Variants in IGSF21 observed in about 807,000 individuals in gnomAD.
IGSF21 encodes the protein immunoglobulin superfamily member 21.
IGSF21 carries 28 observed loss-of-function variants against 46.8 expected under a neutral mutation model. That is an observed-to-expected ratio of 0.60 (90% CI 0.44 to 0.82). The LOEUF (loss-of-function observed/expected upper bound fraction) is 0.82, where lower values mean the gene tolerates loss of function less well. IGSF21 is among the 40% of genes least tolerant of loss of function. The probability of loss-of-function intolerance (pLI) is 0.00; values close to 1 mark genes in which losing one functional copy is unlikely to be tolerated. For synonymous variants in IGSF21, 284 were observed against 273.6 expected, an observed-to-expected ratio of 1.04 and a Z score of -0.38; for missense variants, 624 against 665.5, an observed-to-expected ratio of 0.94 and a Z score of 0.69.
In IGSF21 at chr1:18,208,474, C is replaced by G. The variant is rs12059856; in HGVS notation, c.71-19424C>G. On this transcript the variant is annotated intron_variant, in intron 1 of 9. Transcript: ENST00000251296. ...TCGGCTCACTGCAAGTTCCGCCTCC[C>G]GGGTTCACGCCATTCTCCTGCCTCA... Among the ~76,000 whole-genome samples the G allele has an allele frequency of 9.8e-3, 1,434 of 146,096 alleles. 25 individuals are homozygous for G. Among genetic ancestry groups the G allele is most frequent in the African/African-American group, 0.033 (1,316 of 39,838 alleles).
intron 1 of IGSF21, among the ~76,000 whole-genome samples, chr1:18,174,142 G>T (rs1231243432): frequency 6.6e-6 from 1 of 152,116 alleles, no homozygotes; most frequent in African/African-American, 2.4e-5. Flanking sequence ...GAATCACACC[G>T]CAAAGACAGA....
chr1:18,329,686 G>A (rs1013856140), intron 3 of IGSF21, among the ~76,000 whole-genome samples: 3 of 152,156 alleles, frequency 2.0e-5, no homozygotes, highest in Non-Finnish European at 4.4e-5. Context: ...TCTGAATGTA[G>A]AGCCTATAGA....
intron 6 of IGSF21, among the ~76,000 whole-genome samples, chr1:18,373,154 C>T (rs529673671): frequency 6.6e-6 from 1 of 152,184 alleles, no homozygotes; most frequent in Non-Finnish European, 1.5e-5. Context: ...AGCCTATTCT[C>T]CCCATTTACA....
chr1:18,164,282 C>T (rs1259446515), intron 1 of IGSF21, among the ~76,000 whole-genome samples: 1 of 151,824 alleles, frequency 6.6e-6, no homozygotes. Flanking sequence ...CTTCCTTGCT[C>T]CTTCCCTCTC....
intron 1 of IGSF21, among the ~76,000 whole-genome samples, chr1:18,171,995 T>G (rs2124459734): frequency 1.3e-5 from 2 of 152,318 alleles, no homozygotes; most frequent in East Asian, 3.9e-4. Flanking sequence ...AAATAGTTCC[T>G]TTTCTTGTCC....
chr1:18,364,434 A>C (rs894764273), intron 5 of IGSF21, among the ~76,000 whole-genome samples: 1 of 75,834 alleles, frequency 1.3e-5, no homozygotes, highest in Non-Finnish European at 2.6e-5. Context: ...CCCTCCACAC[A>C]CTTTCCTTCC....
rs531167416 is a variant in IGSF21 at position 18,353,480 on chromosome 1, G to A, written c.425-8635G>A. Among the ~76,000 whole-genome samples the A allele has an allele frequency of 5.3e-5, 8 of 152,302 alleles. No homozygotes were observed. The East Asian group carries it at 1.5e-3, about 29-fold the overall frequency. ...CAGGTAAGAAGCCTTCCCTGACCTC[G>A]TGTTGCTTACATTCTAGTGAGGGTA... On this transcript the variant is annotated intron_variant, in intron 4 of 9. Coordinates refer to ENST00000251296, the MANE Select transcript of IGSF21 (RefSeq NM_032880.5).
chr1:18,124,594 CAGCTACAGCTGGAG>C (rs1176977744), intron 1 of IGSF21, among the ~76,000 whole-genome samples: 2 of 152,160 alleles, frequency 1.3e-5, no homozygotes, highest in Non-Finnish European at 2.9e-5. Flanking sequence ...TCAGGGGCTC[CAGCTACAGCTGGAG>C]GTGGCCCCGG....
chr1:18,119,668 T>C (rs796893335), intron 1 of IGSF21, among the ~76,000 whole-genome samples: 9 of 152,296 alleles, frequency 5.9e-5, no homozygotes, highest in African/African-American at 2.2e-4. Flanking sequence ...AATGCCCCTC[T>C]ATCACATGCT....
In IGSF21 at chr1:18,109,980, T is replaced by C. The variant is rs1200071741; in HGVS notation, c.70+1782T>C. ...GGCTTGTTGGGAAACCCTGGCTCCG[T>C]CAGGACCCCACCCTGCGAGCTCTCC... is the stretch of plus-strand genomic sequence containing the variant. On this transcript the variant is annotated intron_variant, in intron 1 of 9. Coordinates refer to ENST00000251296, the MANE Select transcript of IGSF21 (RefSeq NM_032880.5). This position sits in a 1 kb window ranked among gnomAD's most constrained non-coding sequence, Gnocchi z 4.8. 6.6e-6 allele frequency: 1 copy of C among 152,248 alleles called. No homozygotes were observed. Among genetic ancestry groups the C allele is most frequent in the East Asian group, 1.9e-4 (1 of 5,148 alleles). 9.4% of individuals were successfully genotyped at this position (152,248 alleles called of 1,614,324 possible).
intron 1 of IGSF21, among the ~76,000 whole-genome samples, chr1:18,142,087 T>C (rs1382049006): frequency 6.6e-6 from 1 of 152,112 alleles, no homozygotes; most frequent in Non-Finnish European, 1.5e-5. Flanking sequence ...TTTATATGTA[T>C]ATGTATATAT....
In IGSF21 at chr1:18,290,888, C is replaced by T. The variant is rs916487683; in HGVS notation, c.184-978C>T. 6.6e-6 allele frequency among the ~76,000 whole-genome samples: 1 copy of T among 152,110 alleles called. No homozygotes were observed. Among genetic ancestry groups the T allele is most frequent in the Non-Finnish European group, 1.5e-5 (1 of 68,022 alleles). ...ACAGAGCCGCAGGGAGCTAATTCCA[C>T]TTCTCTAGGCCCAGGCATGAGGCCT... On this transcript the variant is annotated intron_variant, in intron 2 of 9. Coordinates refer to ENST00000251296, the MANE Select transcript of IGSF21 (RefSeq NM_032880.5). The surrounding 1 kb of genome is among the most constrained non-coding windows in gnomAD (Gnocchi z 4.2).
chr1:18,217,960 G>A (rs1230802285), intron 1 of IGSF21, among the ~76,000 whole-genome samples: 1 of 152,184 alleles, frequency 6.6e-6, no homozygotes, highest in Non-Finnish European at 1.5e-5. Flanking sequence ...CTGGTCACAT[G>A]TTCATTTTTT....
At chr1:18,170,834 A>G (rs2086729584) in intron 1 of IGSF21, among the ~76,000 whole-genome samples, 1 of 152,068 alleles carries the variant, frequency 6.6e-6, no homozygotes, top group Non-Finnish European at 1.5e-5. Context: ...ACTCATGATC[A>G]TTGTCAACCA....
intron 2 of IGSF21, among the ~76,000 whole-genome samples, chr1:18,237,682 G>T (rs188561009): frequency 6.6e-6 from 1 of 152,164 alleles, no homozygotes; most frequent in Non-Finnish European, 1.5e-5. Context: ...TCTTCAATTA[G>T]AGAGACAGCA....
intron 1 of IGSF21, among the ~76,000 whole-genome samples, chr1:18,207,336 A>T (rs1421465831): frequency 3.3e-5 from 5 of 152,178 alleles, no homozygotes; most frequent in Non-Finnish European, 1.5e-5. Context: ...GTGTCATGTA[A>T]CATTACATGA....
At chr1:18,122,089 A>G (rs1028146718) in intron 1 of IGSF21, among the ~76,000 whole-genome samples, 1 of 151,984 alleles carries the variant, frequency 6.6e-6, no homozygotes, top group African/African-American at 2.4e-5. Flanking sequence ...GAGCCTGGAC[A>G]CACTGCAGAG....
At chr1:18,359,462 G>GGGAA (rs200525577) in intron 4 of IGSF21, among the ~76,000 whole-genome samples, 5,018 of 74,616 alleles carry the variant, frequency 0.067, 193 homozygotes, top group Middle Eastern at 0.11. Flanking sequence ...AAGAAAGAAA[G>GGGAA]GGAAGGAAGG....
At chr1:18,287,108 G>A (rs1386485046) in intron 2 of IGSF21, among the ~76,000 whole-genome samples, 2 of 150,386 alleles carry the variant, frequency 1.3e-5, no homozygotes, top group African/African-American at 2.4e-5. Context: ...GTGAACCCGG[G>A]AGGCGGAGCT....
Sources: gnomAD v4.1 joint callset for allele counts (sites outside exome capture counted in the v4.1 genomes callset) on GRCh38, gnomAD v4.1.1 for gene constraint, Gnocchi (gnomAD v3.1) non-coding constraint, MANE v1.5 for transcripts, NCBI Gene and HGNC (gene_info 2026-07-23, HGNC 2026-07-21) for gene names.